Variants in TPM1 observed in about 807,000 individuals in gnomAD.
TPM1 encodes the protein tropomyosin alpha-1 chain.
TPM1 carries 24 observed loss-of-function variants against 42.9 expected under a neutral mutation model. The ratio of observed to expected loss-of-function variants is 0.56; its 90% confidence interval spans 0.41 to 0.79. TPM1 has a LOEUF of 0.79. Among genes scored for constraint, TPM1 ranks in the 30% least tolerant of loss-of-function variants. The pLI, the probability that TPM1 is intolerant of heterozygous loss-of-function variation, is 0.00. For synonymous variants in TPM1, 136 were observed against 130.1 expected (o/e 1.05, Z -0.31); for missense variants, 158 against 351.8 (o/e 0.45, Z 4.41).
At chr15:63,052,866 A>C (rs2034158985) in intron 2 of TPM1, among the ~76,000 whole-genome samples, 1 of 152,242 alleles carries the variant, frequency 6.6e-6, no homozygotes. Context: ...AGTAAAAATA[A>C]GAAAGAGAAA....
chr15:63,069,140 G>A (rs543657906), downstream of TPM1, among the ~76,000 whole-genome samples: 20 of 152,216 alleles, frequency 1.3e-4, 2 homozygotes, highest in Admixed American at 9.8e-4. Flanking sequence ...GGGACAGAGC[G>A]AGACTAAGTC....
intron 9 of TPM1, chr15:63,065,534 G>A: frequency 1.0e-6 from 1 of 984,990 alleles, no homozygotes; most frequent in Non-Finnish European, 1.2e-6. Context: ...ATGAGGGGGT[G>A]GAGCAGATCA....
intron 6 of TPM1, 52 bp from the exon 7 acceptor site, chr15:63,062,163 A>T: frequency 6.5e-7 from 1 of 1,539,532 alleles, no homozygotes; most frequent in East Asian, 2.2e-5. Context: ...ATGAGAAGCC[A>T]TGAGTAGATT....
At chr15:63,050,991 A>G (rs1162628414) in intron 2 of TPM1, among the ~76,000 whole-genome samples, 1 of 152,186 alleles carries the variant, frequency 6.6e-6, no homozygotes, top group African/African-American at 2.4e-5. Flanking sequence ...AAAAGCAGCC[A>G]TCCCTTACTT....
downstream of TPM1, among the ~76,000 whole-genome samples, chr15:63,068,769 C>T (rs1238178657): frequency 4.6e-5 from 7 of 152,124 alleles, no homozygotes; most frequent in African/African-American, 1.4e-4. Flanking sequence ...ATGTATATCA[C>T]GCTGGTCTTC....
intron 7 of TPM1, 135 bp downstream of exon 7, chr15:63,062,412 T>C: frequency 1.2e-5 from 15 of 1,255,436 alleles, no homozygotes; most frequent in Non-Finnish European, 1.6e-5. Context: ...GGAGTTTATG[T>C]ACTGTGCTAA....
At chr15:63,050,966 A>G (rs1307332157) in intron 2 of TPM1, among the ~76,000 whole-genome samples, 2 of 152,242 alleles carry the variant, frequency 1.3e-5, no homozygotes, top group African/African-American at 4.8e-5. Flanking sequence ...CTATTAAACC[A>G]GCCCTTACCT....
chr15:63,057,262 G>A (rs2034954725), intron 3 of TPM1, 144 bp downstream of exon 3: 2 of 1,180,078 alleles, frequency 1.7e-6, no homozygotes, highest in African/African-American at 1.5e-5. Context: ...GTATAACTCG[G>A]TTGGTTTTGT....
In TPM1 at chr15:63,061,613, T is replaced by C. The variant is rs1226705712; in HGVS notation, c.564-100T>C. 3.4e-6 allele frequency: 4 copies of C among 1,160,314 alleles called. No homozygotes were observed. In the East Asian group the frequency reaches 9.4e-5, roughly 27 times the overall value. 71.9% of individuals were successfully genotyped at this position (1,160,314 alleles called of 1,614,324 possible). Reference sequence around the variant, plus strand: ...GGCTACTTTAAGGCAGCCCTTCGTCTCTAGGACTCAGTTTTCATTTTTTCC... The same window carrying C: ...GGCTACTTTAAGGCAGCCCTTCGTCCCTAGGACTCAGTTTTCATTTTTTCC... On this transcript the variant is annotated intron_variant, in intron 5 of 9. Transcript: ENST00000403994.
At chr15:63,049,903 T>C (rs1435688192) in intron 2 of TPM1, among the ~76,000 whole-genome samples, 1 of 152,238 alleles carries the variant, frequency 6.6e-6, no homozygotes, top group Non-Finnish European at 1.5e-5. Flanking sequence ...ACTCCCTTAC[T>C]CGCTAGTAGC....
At chr15:63,043,607 C>G (rs1173468812) in intron 1 of TPM1, 46 of 1,523,430 alleles carry the variant, frequency 3.0e-5, no homozygotes, top group South Asian at 1.4e-4. Context: ...GGCGGCGCCC[C>G]GAGCCCGAGG....
At chr15:63,064,979 A>G in intron 9 of TPM1, 1 of 985,006 alleles carries the variant, frequency 1.0e-6, no homozygotes, top group Non-Finnish European at 1.2e-6. Context: ...GAAAAAAAAG[A>G]ATGGTAGAGT....
chr15:63,061,181 C>A, intron 5 of TPM1: 1 of 1,613,746 alleles, frequency 6.2e-7, no homozygotes, highest in Non-Finnish European at 8.5e-7. Flanking sequence ...TTGTGCATTT[C>A]CTGTGTCCAC....
At position 63,042,759 on chromosome 15, in the gene TPM1, G is replaced by T. The variant is rs1166304824; in HGVS notation, c.-71G>T. The T allele has an allele frequency of 1.5e-6, 2 of 1,333,226 alleles. No homozygotes were observed. Among genetic ancestry groups the T allele is most frequent in the Admixed American group, 3.8e-5 (2 of 53,166 alleles). The allele number at this position is 1,333,226 out of a possible 1,614,324, so 82.6% of individuals were successfully genotyped here. A position where few individuals can be genotyped will look rare whatever the true frequency, so the allele number is the denominator to read the frequency against. Reference sequence around the variant, plus strand: ...CAGGCGGCTCCGCGCTCGCACTCCCGCTCCTCCGCCCGACCGCGCGCTCGC... The same window carrying T: ...CAGGCGGCTCCGCGCTCGCACTCCCTCTCCTCCGCCCGACCGCGCGCTCGC... On this transcript the variant is annotated 5_prime_UTR_variant, in exon 1 of 10. Coordinates refer to ENST00000403994, the MANE Select transcript of TPM1 (RefSeq NM_001018005.2).
chr15:63,043,699 C>A (rs996390282), intron 1 of TPM1: 26 of 1,544,856 alleles, frequency 1.7e-5, no homozygotes, highest in Non-Finnish European at 2.2e-5. Flanking sequence ...CCCGCCGCTG[C>A]CCCCAGCTCG....
At chr15:63,043,142 G>A (rs1174376341) in intron 1 of TPM1, 199 bp downstream of exon 1, 5 of 602,136 alleles carry the variant, frequency 8.3e-6, no homozygotes, top group African/African-American at 1.9e-5. Flanking sequence ...CTGGTCTGAG[G>A]ACGCTTATTT....
chr15:63,068,242 G>C (rs2036393778), downstream of TPM1, among the ~76,000 whole-genome samples: 1 of 152,180 alleles, frequency 6.6e-6, no homozygotes, highest in African/African-American at 2.4e-5. Flanking sequence ...TCCTCAATAA[G>C]CTGGGCATCT....
In TPM1 at chr15:63,043,901, T is replaced by C. The variant is rs529177760; in HGVS notation, c.115-126T>C. The C allele has an allele frequency of 6.7e-4, 1,042 of 1,552,274 alleles. 4 individuals are homozygous for C. Among genetic ancestry groups the C allele is most frequent in the Non-Finnish European group, 5.3e-4 (610 of 1,147,656 alleles). ...CTTTCTCTTTCTCTCTCTCCCTCCC[T>C]GTCTTTCCCTCTGTCTCTCCCGCTG... On this transcript the variant is annotated intron_variant, in intron 1 of 9. Transcript: ENST00000403994.
At chr15:63,043,827 C>T in intron 1 of TPM1, 200 bp from the exon 2 acceptor site, 5 of 1,548,718 alleles carry the variant, frequency 3.2e-6, no homozygotes, top group Non-Finnish European at 4.4e-6. Flanking sequence ...GAGGCCGCCG[C>T]CAAGGTACCC....
Sources: allele counts gnomAD v4.1 joint callset (sites outside exome capture counted in the v4.1 genomes callset), GRCh38; gene constraint gnomAD v4.1.1; transcripts MANE v1.5; gene names NCBI Gene and HGNC (gene_info 2026-07-23, HGNC 2026-07-21).